Variants in CSMD3 observed in about 807,000 individuals in gnomAD.
The protein encoded by CSMD3 is CUB and sushi domain-containing protein 3.
Under a neutral mutation model 435.2 loss-of-function variants are expected in CSMD3, and 177 were observed. The ratio of observed to expected loss-of-function variants is 0.41; its 90% CI spans 0.36 to 0.46. The LOEUF (loss-of-function observed/expected upper bound fraction) is 0.46. Among genes scored for constraint, CSMD3 ranks in the 20% least tolerant of loss-of-function variants. The pLI is 0.34. For missense variants in CSMD3, 4,265 were observed against 4,504.6 expected, an observed-to-expected ratio of 0.95 and a Z score of 1.52; for synonymous variants, 1,656 against 1,520.5, an observed-to-expected ratio of 1.09 and a Z score of -2.07.
intron 23 of CSMD3, among the ~76,000 whole-genome samples, chr8:112,579,770 G>A (rs1830210299): frequency 1.3e-5 from 2 of 151,904 alleles, no homozygotes; most frequent in South Asian, 4.1e-4. Flanking sequence ...ACTTTATCAT[G>A]TCTCTACAAG....
At chr8:113,084,218 C>T (rs2089670816) in intron 5 of CSMD3, among the ~76,000 whole-genome samples, 1 of 151,980 alleles carries the variant, frequency 6.6e-6, no homozygotes, top group African/African-American at 2.4e-5. Flanking sequence ...GTAGACTCTA[C>T]CAAATGCTTT....
intron 13 of CSMD3, among the ~76,000 whole-genome samples, chr8:112,734,557 G>T (rs910578127): frequency 2.0e-5 from 3 of 151,890 alleles, no homozygotes; most frequent in Non-Finnish European, 4.4e-5. Context: ...TATAACATTA[G>T]TTCTTCTAAT....
intron 27 of CSMD3, among the ~76,000 whole-genome samples, chr8:112,532,113 AC>A (rs1825598836): frequency 2.9e-5 from 4 of 137,578 alleles, no homozygotes; most frequent in Non-Finnish European, 4.7e-5. Flanking sequence ...GAGTGTCTCA[AC>A]AGCAGAATTG....
intron 60 of CSMD3, among the ~76,000 whole-genome samples, chr8:112,265,055 A>T (rs556463336): frequency 2.2e-4 from 33 of 152,140 alleles, no homozygotes; most frequent in African/African-American, 7.7e-4. Context: ...GAATTACTTG[A>T]CCCAAGTGGA....
chr8:113,268,067 T>C (rs1450514694), intron 3 of CSMD3, among the ~76,000 whole-genome samples: 1 of 151,776 alleles, frequency 6.6e-6, no homozygotes, highest in Non-Finnish European at 1.5e-5. Context: ...TGGTAAGATA[T>C]TCCATGGTAG....
chr8:112,420,834 C>T (rs1812416116), intron 32 of CSMD3, among the ~76,000 whole-genome samples: 1 of 152,112 alleles, frequency 6.6e-6, no homozygotes, highest in South Asian at 2.1e-4. Flanking sequence ...TTTTGTTTCT[C>T]TCCGCTTTAT....
At chr8:112,797,793 A>G (rs2078863407) in intron 13 of CSMD3, among the ~76,000 whole-genome samples, 1 of 151,836 alleles carries the variant, frequency 6.6e-6, no homozygotes, top group Non-Finnish European at 1.5e-5. Context: ...CTATGAGCTC[A>G]GGTTTTAAAT....
At chr8:112,423,378 C>A (rs1563928621) in intron 32 of CSMD3, among the ~76,000 whole-genome samples, 1 of 152,136 alleles carries the variant, frequency 6.6e-6, no homozygotes, top group Non-Finnish European at 1.5e-5. Context: ...AATTTCATTC[C>A]AAACAGCCAC....
At chr8:112,964,794 A>T (rs1226355525) in intron 7 of CSMD3, among the ~76,000 whole-genome samples, 1 of 151,986 alleles carries the variant, frequency 6.6e-6, no homozygotes, top group Non-Finnish European at 1.5e-5. Flanking sequence ...TAATTTAAAT[A>T]AAGAGAGATC....
At chr8:112,657,227 G>A (rs139925227) in intron 17 of CSMD3, among the ~76,000 whole-genome samples, 8 of 151,822 alleles carry the variant, frequency 5.3e-5, no homozygotes, top group South Asian at 2.1e-4. Flanking sequence ...CACGCCTGGC[G>A]GATTTTTGTA....
At chr8:112,638,059 AT>A (rs969077731) in intron 21 of CSMD3, among the ~76,000 whole-genome samples, 3 of 151,446 alleles carry the variant, frequency 2.0e-5, no homozygotes, top group African/African-American at 7.3e-5. Context: ...GTCTCATACA[AT>A]TTTTTCCCCC....
chr8:112,799,768 T>C (rs2078917693), intron 13 of CSMD3, among the ~76,000 whole-genome samples: 1 of 151,958 alleles, frequency 6.6e-6, no homozygotes, highest in South Asian at 2.1e-4. Flanking sequence ...GATTTGTACA[T>C]TGGAATATTT....
chr8:112,576,064 T>A (rs1047696026), intron 23 of CSMD3, among the ~76,000 whole-genome samples: 4 of 123,326 alleles, frequency 3.2e-5, no homozygotes, highest in African/African-American at 7.8e-5. Flanking sequence ...TAAAATACAA[T>A]CAATTGTTTC....
intron 5 of CSMD3, among the ~76,000 whole-genome samples, chr8:113,059,769 G>A (rs1332928103): frequency 6.6e-6 from 1 of 152,102 alleles, no homozygotes; most frequent in Non-Finnish European, 1.5e-5. Context: ...GGAAGACAGA[G>A]ATTTAGAGAA....
intron 32 of CSMD3, among the ~76,000 whole-genome samples, chr8:112,433,654 C>CAAAAAAA (rs35572894): frequency 4.4e-4 from 41 of 93,086 alleles, no homozygotes; most frequent in East Asian, 6.5e-4. Context: ...GAGAACCTGT[C>CAAAAAAA]AAAAAAAAAA....
intron 2 of CSMD3, among the ~76,000 whole-genome samples, chr8:113,300,825 C>T (rs1253312526): frequency 6.6e-6 from 1 of 151,988 alleles, no homozygotes; most frequent in East Asian, 1.9e-4. Context: ...CACATATATC[C>T]TCTGAATTCA....
chr8:112,451,223 C>T (rs1816230570), intron 32 of CSMD3, among the ~76,000 whole-genome samples: 1 of 151,904 alleles, frequency 6.6e-6, no homozygotes, highest in East Asian at 1.9e-4. Flanking sequence ...CAAAGGTTAA[C>T]AGTAGTTATC....
intron 38 of CSMD3, among the ~76,000 whole-genome samples, chr8:112,372,832 G>A (rs1007686458): frequency 1.2e-4 from 18 of 151,404 alleles, no homozygotes; most frequent in Non-Finnish European, 2.4e-4. Flanking sequence ...CTGGGTGACA[G>A]AGCGAGACTA....
At chr8:113,376,747 T>G (rs1254256781) in intron 1 of CSMD3, 4 of 1,613,998 alleles carry the variant, frequency 2.5e-6, no homozygotes, top group Admixed American at 1.7e-5. Flanking sequence ...CCTGAGGCTG[T>G]CTGTCGGTCA....
Sources: allele counts gnomAD v4.1 joint callset (sites outside exome capture counted in the v4.1 genomes callset), GRCh38; gene constraint gnomAD v4.1.1; transcripts MANE v1.5; gene names NCBI Gene and HGNC (gene_info 2026-07-23, HGNC 2026-07-21).